Variants in VEGFB observed in about 807,000 individuals in gnomAD.
VEGFB encodes VEGF-related factor.
VEGFB carries 24 observed loss-of-function variants against 22.5 expected under a neutral mutation model. That is an observed-to-expected ratio of 1.07 (90% CI 0.77 to 1.50). The LOEUF is 1.50. Among genes scored for constraint, VEGFB ranks in the 40% most tolerant of loss-of-function variants. The pLI is 0.00. For synonymous variants in VEGFB, 141 were observed against 117.4 expected (o/e 1.20, Z -1.30); for missense variants, 327 against 287.8 (o/e 1.14, Z -0.99).
At position 64,237,560 on chromosome 11, in the gene VEGFB, G is replaced by T; in HGVS notation, c.551G>T (p.Ser184Ile). The T allele has an allele frequency of 6.3e-7, 1 of 1,599,862 alleles. No individual in the cohort carries two copies. Among genetic ancestry groups the T allele is most frequent in the Non-Finnish European group, 8.5e-7 (1 of 1,176,366 alleles). Reference sequence around the variant, plus strand: ...GCCCACGCTGCACCCAGCACCACCAGCGCCCTGACCCCCGGACCTGCCGCT... The same window carrying T: ...GCCCACGCTGCACCCAGCACCACCATCGCCCTGACCCCCGGACCTGCCGCT... ...PSAHAAPSTT[S>I]ALTPGPAAAA... The change falls in exon 6 of 7, where the codon AGC becomes ATC. Residue 184 changes from serine (S) to isoleucine (I), a missense_variant. Coordinates refer to ENST00000309422, the MANE Select transcript of VEGFB (RefSeq NM_003377.5).
Position 64,234,797 on chromosome 11 carries a change from A to G in VEGFB, c.-37A>G. 3 of 1,073,912 alleles carry G rather than the reference A, an allele frequency of 2.8e-6. No individual in the cohort carries two copies. The highest frequency in any genetic ancestry group is 3.4e-6 in the Non-Finnish European group (3 of 884,782). 66.5% of individuals were successfully genotyped at this position (1,073,912 alleles called of 1,614,324 possible). On this transcript the variant is annotated 5_prime_UTR_variant, in exon 1 of 7. The change abolishes an upstream ATG in the 5' untranslated region. Transcript: ENST00000309422. This position sits in a 1 kb window ranked among gnomAD's most constrained non-coding sequence, Gnocchi z 5.3. Reference sequence around the variant, plus strand: ...CCCCCCGCGCCGCCGGGCTAGGGCGATGCGGGCGCCCCCGGCGGGCGGCCC... The same window carrying G: ...CCCCCCGCGCCGCCGGGCTAGGGCGGTGCGGGCGCCCCCGGCGGGCGGCCC...
At chr11:64,238,104 C>A (rs1226123297) in intron 6 of VEGFB, among the ~76,000 whole-genome samples, 1 of 152,196 alleles carries the variant, frequency 6.6e-6, no homozygotes, top group African/African-American at 2.4e-5. Context: ...ATGTGTTTCT[C>A]ACCATCCGTG....
chr11:64,237,199 GGACAGTGCTGT>G lies in VEGFB; in HGVS notation c.390_400del (p.Asp130GlufsTer31). 1 of 1,606,458 alleles carries G rather than the reference GGACAGTGCTGT, an allele frequency of 6.2e-7. No individual in the cohort carries two copies. The highest frequency in any genetic ancestry group is 8.5e-7 in the Non-Finnish European group (1 of 1,175,478). ...TCTTACTTTTCAGACCTAAAAAAAAGGACAGTGCTGTGAAGCCAGACAGGTGAGTCTTTTGG... is the reference window on the plus strand; with the variant it reads ...TCTTACTTTTCAGACCTAAAAAAAAGGAAGCCAGACAGGTGAGTCTTTTGG... On this transcript the variant is annotated frameshift_variant, in exon 5 of 7. Transcript: ENST00000309422. LOFTEE classifies it high-confidence loss of function.
chr11:64,234,871 T>TC lies in VEGFB; in HGVS notation c.40dup (p.Leu14ProfsTer14). On this transcript the variant is annotated frameshift_variant, in exon 1 of 7. Coordinates refer to ENST00000309422, the MANE Select transcript of VEGFB (RefSeq NM_003377.5). LOFTEE classifies it high-confidence loss of function. This position sits in a 1 kb window ranked among gnomAD's most constrained non-coding sequence, Gnocchi z 5.3. Reference sequence around the variant, plus strand: ...CTCCGCCGCCTGCTGCTCGCCGCACTCCTGCAGCTGGCCCCCGCCCAGGTA... The same window carrying TC: ...CTCCGCCGCCTGCTGCTCGCCGCACTCCCTGCAGCTGGCCCCCGCCCAGGTA... 7.7e-7 allele frequency: 1 copy of TC among 1,299,358 alleles called. No individual in the cohort carries two copies. The highest frequency in any genetic ancestry group is 9.8e-7 in the Non-Finnish European group (1 of 1,021,602). The allele number at this position is 1,299,358 out of a possible 1,614,324, so 80.5% of individuals were successfully genotyped here.
Position 64,236,327 on chromosome 11 carries a change from G to A in VEGFB, c.374G>A (p.Arg125Lys). 1 of 1,613,658 alleles carries A rather than the reference G, an allele frequency of 6.2e-7. No homozygotes were observed. Among genetic ancestry groups the A allele is most frequent in the East Asian group, 2.2e-5 (1 of 44,880 alleles). ...GAAGAACACAGCCAGTGTGAATGCA[G>A]GTGCCAGCCAGGCCCAACTTCTGAG... ...SLEEHSQCEC[R>K]PKKKDSAVKP... The change falls in exon 4 of 7, where the codon AGA becomes AAA. Residue 125 changes from arginine (R) to lysine (K), a missense_variant and splice_region_variant. Arg to Lys is a conservative substitution (Grantham distance 26, BLOSUM62 2). Transcript: ENST00000309422.
chr11:64,234,795 C>A lies in VEGFB; in HGVS notation c.-39C>A, dbSNP rs1947228590. The A allele has an allele frequency of 8.5e-6, 9 of 1,060,140 alleles. No homozygotes were observed. The highest frequency in any genetic ancestry group is 4.4e-5 in the South Asian group (1 of 22,548). 65.7% of individuals were successfully genotyped at this position (1,060,140 alleles called of 1,614,324 possible). A position where few individuals can be genotyped will look rare whatever the true frequency, so the allele number is the denominator to read the frequency against. The stretch of plus-strand genomic sequence containing the variant: ...CGCCCCCCGCGCCGCCGGGCTAGGG[C>A]GATGCGGGCGCCCCCGGCGGGCGGC... On this transcript the variant is annotated 5_prime_UTR_variant, in exon 1 of 7. Transcript: ENST00000309422. This position sits in a 1 kb window ranked among gnomAD's most constrained non-coding sequence, Gnocchi z 5.3.
chr11:64,235,649 G>A, intron 2 of VEGFB, 149 bp downstream of exon 2: 1 of 1,248,034 alleles, frequency 8.0e-7, no homozygotes, highest in Non-Finnish European at 1.1e-6. Flanking sequence ...GAGGCAGTGG[G>A]GTTACTGGGA....
rs915517036 is a variant in VEGFB, at chr11:64,236,107, C to T, written c.300+98C>T. On this transcript the variant is annotated intron_variant, in intron 3 of 6. Transcript: ENST00000309422. ...TGGCTGGCTCTGGGGCTGGGGCAGC[C>T]TGGAGACTGATGCACAGGAGACAGG... is the stretch of plus-strand genomic sequence containing the variant. The T allele has an allele frequency of 8.5e-6, 13 of 1,522,846 alleles. No individual in the cohort carries two copies. In the Admixed American group the frequency reaches 2.1e-4, roughly 25 times the overall value. The allele number at this position is 1,522,846 out of a possible 1,614,324, so 94.3% of individuals were successfully genotyped here. A position where few individuals can be genotyped will look rare whatever the true frequency, so the allele number is the denominator to read the frequency against.
rs779025350 is a variant in VEGFB at position 64,236,251 on chromosome 11, C to T, written c.301-3C>T. On this transcript the variant is annotated splice_polypyrimidine_tract_variant and splice_region_variant and intron_variant, in intron 3 of 6. Coordinates refer to ENST00000309422, the MANE Select transcript of VEGFB (RefSeq NM_003377.5). ...GTCCCCCCTGTTCTTCTCCTGAGCA[C>T]AGATCCTCATGATCCGGTACCCGAG... 3 of 1,613,936 alleles carry T rather than the reference C, an allele frequency of 1.9e-6. No individual in the cohort carries two copies. Among genetic ancestry groups the T allele is most frequent in the Non-Finnish European group, 2.5e-6 (3 of 1,179,974 alleles).
intron 2 of VEGFB, 107 bp downstream of exon 2, chr11:64,235,607 A>G: frequency 7.5e-7 from 1 of 1,342,028 alleles, no homozygotes. Flanking sequence ...GATTCAAACT[A>G]TTATTCTACC....
intron 3 of VEGFB, 71 bp downstream of exon 3, chr11:64,236,080 G>C (rs2029990360): frequency 1.3e-6 from 2 of 1,530,726 alleles, no homozygotes; most frequent in Admixed American, 4.0e-5. Flanking sequence ...CAGGGTGGAT[G>C]CTGGCTGGCT....
Position 64,234,759 on chromosome 11 carries a change from C to A in VEGFB, c.-75C>A. 1.6e-6 allele frequency: 1 copy of A among 643,740 alleles called. No individual in the cohort carries two copies. Among genetic ancestry groups the A allele is most frequent in the South Asian group, 6.6e-5 (1 of 15,216 alleles). The allele number at this position is 643,740 out of a possible 1,614,324, so 39.9% of individuals were successfully genotyped here. A position where few individuals can be genotyped will look rare whatever the true frequency, so the allele number is the denominator to read the frequency against. On this transcript the variant is annotated 5_prime_UTR_variant, in exon 1 of 7. In the 5' UTR this introduces an upstream ATG that the reference lacks. Coordinates refer to ENST00000309422, the MANE Select transcript of VEGFB (RefSeq NM_003377.5). The surrounding 1 kb of genome is among the most constrained non-coding windows in gnomAD (Gnocchi z 5.3). Reference sequence around the variant, plus strand: ...GCGCCCGGGCCCGCGCCATGGGGCTCTGGCTGTCGCCGCCCCCCGCGCCGC... The same window carrying A: ...GCGCCCGGGCCCGCGCCATGGGGCTATGGCTGTCGCCGCCCCCCGCGCCGC...
intron 6 of VEGFB, 143 bp downstream of exon 6, chr11:64,237,798 T>A: frequency 1.3e-6 from 1 of 764,518 alleles, no homozygotes; most frequent in Non-Finnish European, 2.0e-6. Context: ...ACCAAACAGC[T>A]GCTGGCACCT....
intron 6 of VEGFB, chr11:64,237,859 G>C (rs1751875546): frequency 1.8e-6 from 1 of 553,238 alleles, no homozygotes; most frequent in African/African-American, 1.9e-5. Context: ...AGATACAGGA[G>C]GGACAATGCC....
At chr11:64,236,158 C>A in intron 3 of VEGFB, 96 bp from the exon 4 acceptor site, 2 of 1,553,400 alleles carry the variant, frequency 1.3e-6, no homozygotes, top group Non-Finnish European at 8.8e-7. Context: ...GGTGGCCAGC[C>A]TCCCGGCTGT....
chr11:64,238,423 T>C lies in VEGFB; in HGVS notation c.*90T>C. ...GCAGGGTGACTTGCCTCAGAGGCTA[T>C]ATCCCAGTGGGGGAACAAAGAGGAG... On this transcript the variant is annotated 3_prime_UTR_variant, in exon 7 of 7. Coordinates refer to ENST00000309422, the MANE Select transcript of VEGFB (RefSeq NM_003377.5). 1 of 1,535,822 alleles carries C rather than the reference T, an allele frequency of 6.5e-7. No individual in the cohort carries two copies. Among genetic ancestry groups the C allele is most frequent in the Non-Finnish European group, 8.7e-7 (1 of 1,146,658 alleles).
In VEGFB at chr11:64,236,395, A is replaced by T. The variant is rs1005965737; in HGVS notation, c.374+68A>T. On this transcript the variant is annotated intron_variant, in intron 4 of 6. Transcript: ENST00000309422. ...TGGGGGGTGCTGGGTATGGTGGTCC[A>T]CAGAACTGGGGACCAGGTTCCTAAG... 4.7e-6 allele frequency: 7 copies of T among 1,483,582 alleles called. No homozygotes were observed. In the South Asian group the frequency reaches 6.8e-5, roughly 14 times the overall value. The allele number at this position is 1,483,582 out of a possible 1,614,324, so 91.9% of individuals were successfully genotyped here.
intron 4 of VEGFB, among the ~76,000 whole-genome samples, chr11:64,236,592 C>T (rs1305584801): frequency 6.6e-6 from 1 of 151,824 alleles, no homozygotes; most frequent in African/African-American, 2.4e-5. Context: ...TGGCGGGCAC[C>T]TGTAGTCCCA....
chr11:64,236,421 A>C, intron 4 of VEGFB, 94 bp downstream of exon 4: 1 of 1,288,450 alleles, frequency 7.8e-7, no homozygotes, highest in South Asian at 1.2e-5. Flanking sequence ...GGTTCCTAAG[A>C]GTAGAACCAA....
Sources: allele counts gnomAD v4.1 joint callset (sites outside exome capture counted in the v4.1 genomes callset), GRCh38; gene constraint gnomAD v4.1.1; non-coding constraint Gnocchi (gnomAD v3.1); transcripts MANE v1.5; gene names NCBI Gene and HGNC (gene_info 2026-07-23, HGNC 2026-07-21).